The following EDIL3 variants were observed in gnomAD, a reference collection of about 807,000 sequenced individuals.
EDIL3 encodes EGF-like repeat and discoidin I-like domain-containing protein 3.
EDIL3 carries 37 observed loss-of-function variants against 67.4 expected under a neutral mutation model. The ratio of observed to expected loss-of-function variants is 0.55; its 90% CI spans 0.42 to 0.72. EDIL3 has a LOEUF of 0.72. EDIL3 is among the 30% of genes least tolerant of loss of function. The pLI is 0.00. For synonymous variants in EDIL3, 195 were observed against 196.3 expected (o/e 0.99, Z 0.05); for missense variants, 527 against 586.3 (o/e 0.90, Z 1.04).
chr5:84,312,083 C>T (rs2112144031), intron 1 of EDIL3, among the ~76,000 whole-genome samples: 1 of 152,260 alleles, frequency 6.6e-6, no homozygotes, highest in Middle Eastern at 3.4e-3. Context: ...GGTACACCTC[C>T]CAGACGGGGT....
At chr5:84,312,333 G>A (rs1298439757) in intron 1 of EDIL3, among the ~76,000 whole-genome samples, 3 of 145,778 alleles carry the variant, frequency 2.1e-5, no homozygotes, top group Admixed American at 2.0e-4. Flanking sequence ...CGGGTGGGGG[G>A]CTGACCCCCC....
At chr5:84,071,133 C>G (rs371644690) in intron 6 of EDIL3, among the ~76,000 whole-genome samples, 2 of 152,218 alleles carry the variant, frequency 1.3e-5, no homozygotes, top group Admixed American at 1.3e-4. Flanking sequence ...GGAGGTAAAT[C>G]AGAGTGATGA....
At chr5:84,017,694 G>T (rs868604965) in intron 9 of EDIL3, among the ~76,000 whole-genome samples, 1 of 152,070 alleles carries the variant, frequency 6.6e-6, no homozygotes, top group Non-Finnish European at 1.5e-5. Context: ...TACAGCATGC[G>T]CACCCATTGG....
In EDIL3 at chr5:84,384,835, G is replaced by C. The variant is rs1421033371; in HGVS notation, c.-461C>G. ...AAGCGTGAGCTGGAGGGGAGCGAGCGGGCCGCCGGGAGCGCACTGTGTACA... is the reference window on the plus strand; with the variant it reads ...AAGCGTGAGCTGGAGGGGAGCGAGCCGGCCGCCGGGAGCGCACTGTGTACA... On this transcript the variant is annotated 5_prime_UTR_variant, in exon 1 of 11. Transcript: ENST00000296591. The C allele has an allele frequency of 6.6e-6, 1 of 152,210 alleles. No homozygotes were observed. Among genetic ancestry groups the C allele is most frequent in the African/African-American group, 2.4e-5 (1 of 41,430 alleles). The allele number at this position is 152,210 out of a possible 1,614,324, so 9.4% of individuals were successfully genotyped here.
intron 9 of EDIL3, among the ~76,000 whole-genome samples, chr5:84,054,422 C>A (rs1746403591): frequency 1.3e-5 from 2 of 152,284 alleles, no homozygotes; most frequent in South Asian, 4.1e-4. Context: ...CCTCTCTCAC[C>A]ACTCCTATTC....
intron 1 of EDIL3, among the ~76,000 whole-genome samples, chr5:84,307,397 A>G (rs1746294011): frequency 1.3e-5 from 2 of 152,206 alleles, no homozygotes; most frequent in East Asian, 1.9e-4. Flanking sequence ...AAAATAGAAG[A>G]AAATAAAGAG....
chr5:84,204,492 T>C (rs76348671), intron 3 of EDIL3, among the ~76,000 whole-genome samples: 2,060 of 152,326 alleles, frequency 0.014, 19 homozygotes, highest in Non-Finnish European at 0.021. Context: ...CTGTTCTTTA[T>C]TTAAATAAAA....
At position 83,978,321 on chromosome 5, in the gene EDIL3, A is replaced by T. The variant is rs546417205; in HGVS notation, c.1138-14961T>A. Among the ~76,000 whole-genome samples, 95 of 152,076 alleles carry T rather than the reference A, an allele frequency of 6.2e-4. 2 individuals are homozygous for T. Among genetic ancestry groups the T allele is most frequent in the South Asian group, 2.1e-3 (10 of 4,830 alleles). ...ACAGAGATTGAAGTCCTTAATAAAAAACAATTTTAACACCTTTGAATAACT... is the reference window on the plus strand; with the variant it reads ...ACAGAGATTGAAGTCCTTAATAAAATACAATTTTAACACCTTTGAATAACT... On this transcript the variant is annotated intron_variant, in intron 9 of 10. Coordinates refer to ENST00000296591, the MANE Select transcript of EDIL3 (RefSeq NM_005711.5).
chr5:84,367,979 T>G (rs1450849127), intron 1 of EDIL3, among the ~76,000 whole-genome samples: 2 of 152,192 alleles, frequency 1.3e-5, no homozygotes, highest in Non-Finnish European at 2.9e-5. Flanking sequence ...ATAAGGTGAA[T>G]GGATTCCCAG....
intron 10 of EDIL3, among the ~76,000 whole-genome samples, chr5:83,961,755 C>T (rs1744611607): frequency 1.3e-5 from 2 of 151,186 alleles, no homozygotes; most frequent in Non-Finnish European, 3.0e-5. Flanking sequence ...TAGTTATTTG[C>T]AATAAATCAT....
chr5:84,137,184 T>TAC (rs70975542), intron 5 of EDIL3, 57 bp downstream of exon 5: 141,770 of 893,498 alleles, frequency 0.16, 3,373 homozygotes, highest in Middle Eastern at 0.27. Context: ...TGTGTATACA[T>TAC]ACACACACAC....
intron 10 of EDIL3, among the ~76,000 whole-genome samples, chr5:83,948,190 T>A (rs1744346909): frequency 6.6e-6 from 1 of 151,600 alleles, no homozygotes; most frequent in East Asian, 1.9e-4. Flanking sequence ...GGTTTTCCAA[T>A]TTTTTTTACT....
intron 6 of EDIL3, among the ~76,000 whole-genome samples, chr5:84,074,705 G>A (rs1186978555): frequency 3.9e-5 from 6 of 151,976 alleles, no homozygotes; most frequent in East Asian, 3.9e-4. Context: ...AACAACAGGT[G>A]CTGGAGAGGA....
In EDIL3 at chr5:84,144,093, C is replaced by A. The variant is rs568112787; in HGVS notation, c.356-6739G>T. 2.6e-5 allele frequency among the ~76,000 whole-genome samples: 4 copies of A among 152,162 alleles called. No homozygotes were observed. The East Asian group carries it at 7.7e-4, about 29-fold the overall frequency. ...CAAGTCATGCACTTAGAGATTGTGA[C>A]TTAAATGGTCTTGGGAGAGACAAAG... On this transcript the variant is annotated intron_variant, in intron 4 of 10. Coordinates refer to ENST00000296591, the MANE Select transcript of EDIL3 (RefSeq NM_005711.5).
At chr5:84,084,416 T>C (rs1418871626) in intron 6 of EDIL3, among the ~76,000 whole-genome samples, 2 of 152,160 alleles carry the variant, frequency 1.3e-5, no homozygotes, top group African/African-American at 4.8e-5. Context: ...TTTTTAATGA[T>C]CAAAAGCTAC....
intron 5 of EDIL3, among the ~76,000 whole-genome samples, chr5:84,120,498 G>T (rs1747756847): frequency 6.6e-6 from 1 of 151,966 alleles, no homozygotes; most frequent in Non-Finnish European, 1.5e-5. Flanking sequence ...TTAGGACTCT[G>T]TTTCCTTACT....
At chr5:84,008,885 T>C (rs960318378) in intron 9 of EDIL3, among the ~76,000 whole-genome samples, 3 of 152,192 alleles carry the variant, frequency 2.0e-5, no homozygotes, top group Non-Finnish European at 4.4e-5. Context: ...GGATCTCAGC[T>C]CACTGCAACC....
intron 1 of EDIL3, among the ~76,000 whole-genome samples, chr5:84,255,349 G>A (rs556993680): frequency 2.6e-5 from 4 of 152,184 alleles, no homozygotes; most frequent in Admixed American, 2.0e-4. Context: ...TAAATAAAAG[G>A]GCTTCTAGAG....
rs1561453820 is a variant in EDIL3 at position 84,176,212 on chromosome 5, T to TATATATATATATATATAAA, written c.355+4180_355+4181insTTTATATATATATATATAT. 3.5e-4 allele frequency among the ~76,000 whole-genome samples: 42 copies of TATATATATATATATATAAA among 121,462 alleles called. 1 individual carries two copies. The highest frequency in any genetic ancestry group is 1.5e-3 in the African/African-American group (35 of 23,306). 79.7% of individuals were successfully genotyped at this position (121,462 alleles called of 152,430 possible). ...TATATATATATAATATATATATATATATATATATATATATAATATATTGTA... is the reference window on the plus strand; with the variant it reads ...TATATATATATAATATATATATATATATATATATATATATATAAAATATATATATATATAATATATTGTA... On this transcript the variant is annotated intron_variant, in intron 4 of 10. Transcript: ENST00000296591.
Sources: allele counts gnomAD v4.1 joint callset (sites outside exome capture counted in the v4.1 genomes callset), GRCh38; gene constraint gnomAD v4.1.1; transcripts MANE v1.5; gene names NCBI Gene and HGNC (gene_info 2026-07-23, HGNC 2026-07-21).